Variants in STRAP observed in about 807,000 individuals in gnomAD.
STRAP encodes serine-threonine kinase receptor-associated protein.
A neutral mutation model predicts 47.0 loss-of-function variants in STRAP; 16 were observed. The ratio of observed to expected loss-of-function variants is 0.34; its 90% confidence interval spans 0.23 to 0.52. The LOEUF is 0.52. STRAP is among the 20% of genes least tolerant of loss of function. The probability of loss-of-function intolerance (pLI) is 0.96; values close to 1 mark genes in which losing one functional copy is unlikely to be tolerated. For missense variants in STRAP, 293 were observed against 420.0 expected (o/e 0.70, Z 2.64); for synonymous variants, 130 against 142.7 (o/e 0.91, Z 0.63).
Position 15,894,217 on chromosome 12 carries a change from T to G in STRAP, c.500+74T>G. 2 of 1,234,064 alleles carry G rather than the reference T, an allele frequency of 1.6e-6. No homozygotes were observed. Among genetic ancestry groups the G allele is most frequent in the South Asian group, 1.2e-5 (1 of 81,260 alleles). 76.4% of individuals were successfully genotyped at this position (1,234,064 alleles called of 1,614,324 possible). A position where few individuals can be genotyped will look rare whatever the true frequency, so the allele number is the denominator to read the frequency against. On this transcript the variant is annotated intron_variant, in intron 5 of 9. Transcript: ENST00000419869. The surrounding 1 kb of genome is among the most constrained non-coding windows in gnomAD (Gnocchi z 4.9). ...GCTCACGCCTATAATCTCAGCACTT[T>G]GGGAGGCGAGCCGGGTGGATCATTA...
intron 2 of STRAP, among the ~76,000 whole-genome samples, chr12:15,886,009 C>T (rs1311861691): frequency 6.6e-6 from 1 of 152,002 alleles, no homozygotes; most frequent in Non-Finnish European, 1.5e-5. Flanking sequence ...ACTATTTGGC[C>T]TCATATAAGG....
chr12:15,883,687 C>A lies in STRAP; in HGVS notation c.248+11C>A. The A allele has an allele frequency of 6.2e-7, 1 of 1,613,088 alleles. No individual in the cohort carries two copies. Among genetic ancestry groups the A allele is most frequent in the South Asian group, 1.1e-5 (1 of 90,798 alleles). On this transcript the variant is annotated intron_variant, in intron 2 of 9. Transcript: ENST00000419869. ...TGCAGATTTCACAGCGTAAGTGTAG[C>A]CAAGATGGCTAACTTTGGTGTTCTC...
At chr12:15,893,384 C>T (rs1045802999) in intron 4 of STRAP, among the ~76,000 whole-genome samples, 4 of 147,654 alleles carry the variant, frequency 2.7e-5, no homozygotes, top group Admixed American at 6.8e-5. Context: ...AATTATGCCA[C>T]GTTAATTATT....
Position 15,896,542 on chromosome 12 carries a change from G to GTT in STRAP, c.638+1056_638+1057dup, listed in dbSNP as rs371747383. On this transcript the variant is annotated intron_variant, in intron 6 of 9. Transcript: ENST00000419869. The surrounding 1 kb of genome is among the most constrained non-coding windows in gnomAD (Gnocchi z 4.1). The stretch of plus-strand genomic sequence containing the variant: ...ATATATGTGGGTGTACAGTATTTGT[G>GTT]TTTTTTTTTTTAATTACTAGGACCA... Among the ~76,000 whole-genome samples the GTT allele has an allele frequency of 1.4e-5, 2 of 145,438 alleles. No individual in the cohort carries two copies. Among genetic ancestry groups the GTT allele is most frequent in the East Asian group, 2.0e-4 (1 of 4,944 alleles).
At chr12:15,901,595 C>G (rs116377405) in intron 9 of STRAP, among the ~76,000 whole-genome samples, 3 of 152,066 alleles carry the variant, frequency 2.0e-5, no homozygotes, top group African/African-American at 4.8e-5. Context: ...GAGTTTTATA[C>G]TAAGAGCAAT....
chr12:15,897,849 A>G, intron 6 of STRAP, 33 bp from the exon 7 acceptor site: 1 of 1,436,226 alleles, frequency 7.0e-7, no homozygotes, highest in Non-Finnish European at 9.2e-7. Flanking sequence ...ACCATATTCA[A>G]GATTTGTAAA....
At chr12:15,901,160 A>G (rs1389601043) in intron 9 of STRAP, 148 bp downstream of exon 9, 3 of 525,632 alleles carry the variant, frequency 5.7e-6, no homozygotes, top group Non-Finnish European at 9.4e-6. Flanking sequence ...ATGTATATAT[A>G]CATATTTATA....
Position 15,882,661 on chromosome 12 carries a change from A to G in STRAP, c.-47A>G, listed in dbSNP as rs1294262223. 2.6e-6 allele frequency: 4 copies of G among 1,522,296 alleles called. No individual in the cohort carries two copies. The highest frequency in any genetic ancestry group is 2.3e-5 in the South Asian group (2 of 86,550). 94.3% of individuals were successfully genotyped at this position (1,522,296 alleles called of 1,614,324 possible). Reference sequence around the variant, plus strand: ...ACTGCAGCAGAAGAGAGAAAAGACAACGACGACCCTCAGCTCGCCAGTCCG... The same window carrying G: ...ACTGCAGCAGAAGAGAGAAAAGACAGCGACGACCCTCAGCTCGCCAGTCCG... On this transcript the variant is annotated 5_prime_UTR_variant, in exon 1 of 10. Transcript: ENST00000419869.
At chr12:15,883,208 G>C (rs1370110990) in intron 1 of STRAP, 9 of 1,393,326 alleles carry the variant, frequency 6.5e-6, no homozygotes, top group Non-Finnish European at 5.9e-6. Context: ...TGTCTCACTG[G>C]ATATTCCTTT....
chr12:15,883,025 A>G, intron 1 of STRAP: 2 of 1,525,570 alleles, frequency 1.3e-6, no homozygotes, highest in Non-Finnish European at 1.8e-6. Context: ...TTTTGTAGAA[A>G]CTATTACCTC....
chr12:15,889,210 C>T (rs1432265336), intron 2 of STRAP, among the ~76,000 whole-genome samples: 1 of 152,044 alleles, frequency 6.6e-6, no homozygotes, highest in Non-Finnish European at 1.5e-5. Context: ...CCAGAATATA[C>T]ATACACATAT....
chr12:15,888,267 C>T (rs1042326387), intron 2 of STRAP, among the ~76,000 whole-genome samples: 2 of 151,756 alleles, frequency 1.3e-5, no homozygotes, highest in African/African-American at 4.8e-5. Flanking sequence ...AACATAGGAG[C>T]CTGGAAGAAA....
In STRAP at chr12:15,882,733, C is replaced by G. The variant is rs1259398089; in HGVS notation, c.26C>G (p.Thr9Ser). 1.2e-6 allele frequency: 2 copies of G among 1,612,906 alleles called. No homozygotes were observed. Residue 9 changes from threonine to serine, a missense_variant, in exon 1 of 10, where the codon ACC becomes AGC. Coordinates refer to ENST00000419869, the MANE Select transcript of STRAP (RefSeq NM_007178.4). ...ATGGCAATGAGACAGACGCCGCTCA[C>G]CTGCTCTGGCCACACGCGACCCGTG... Reference protein sequence around the residue: MAMRQTPLTCSGHTRPVVD... With the variant: MAMRQTPLSCSGHTRPVVD...
rs377016324 is a variant in STRAP at position 15,884,097 on chromosome 12, CAAAA to C, written c.248+425_248+428del. ...ACTCATTGTGTCAAAAACAAACAAA[CAAAA>C]AAACAACAAAAAAACAAAACTCAGC... On this transcript the variant is annotated intron_variant, in intron 2 of 9. Coordinates refer to ENST00000419869, the MANE Select transcript of STRAP (RefSeq NM_007178.4). Among the ~76,000 whole-genome samples, 37 of 152,026 alleles carry C rather than the reference CAAAA, an allele frequency of 2.4e-4. 1 individual carries two copies. The highest frequency in any genetic ancestry group is 8.4e-4 in the African/African-American group (35 of 41,474).
chr12:15,882,399 C>T lies in STRAP; in HGVS notation c.-309C>T. The T allele has an allele frequency of 2.3e-6, 1 of 439,524 alleles. No homozygotes were observed. The highest frequency in any genetic ancestry group is 4.1e-6 in the Non-Finnish European group (1 of 241,198). The allele number at this position is 439,524 out of a possible 1,614,324, so 27.2% of individuals were successfully genotyped here. ...TCTGCGTCATTTACGTCGTCACTTCCTGCCGATGCCGGTGTGGACGCTGTG... is the reference window on the plus strand; with the variant it reads ...TCTGCGTCATTTACGTCGTCACTTCTTGCCGATGCCGGTGTGGACGCTGTG... On this transcript the variant is annotated 5_prime_UTR_variant, in exon 1 of 10. Coordinates refer to ENST00000419869, the MANE Select transcript of STRAP (RefSeq NM_007178.4).
At chr12:15,892,820 G>A (rs1948027972) in intron 4 of STRAP, among the ~76,000 whole-genome samples, 1 of 152,094 alleles carries the variant, frequency 6.6e-6, no homozygotes, top group Admixed American at 6.6e-5. Context: ...AACAAAGCAA[G>A]GTAGTTCAGG....
At chr12:15,893,260 A>C (rs1353069947) in intron 4 of STRAP, among the ~76,000 whole-genome samples, 1 of 151,720 alleles carries the variant, frequency 6.6e-6, no homozygotes, top group Non-Finnish European at 1.5e-5. Context: ...TTTTCCTTCC[A>C]ACCCTTATTT....
At position 15,897,913 on chromosome 12, in the gene STRAP, G is replaced by A; in HGVS notation, c.670G>A (p.Ala224Thr). ...CCCAATTAAATCCTTTGAAGCTCCTGCAACCATCAATTCTGCATCTCTTCA... is the reference window on the plus strand; with the variant it reads ...CCCAATTAAATCCTTTGAAGCTCCTACAACCATCAATTCTGCATCTCTTCA... ...LDPIKSFEAP[A>T]TINSASLHPE... Residue 224 changes from alanine to threonine, a missense_variant, in exon 7 of 10, where the codon GCA becomes ACA. Physicochemically the swap from Ala to Thr is moderately conservative, Grantham distance 58. Transcript: ENST00000419869. 6.3e-7 allele frequency: 1 copy of A among 1,575,210 alleles called. No individual in the cohort carries two copies. The highest frequency in any genetic ancestry group is 8.6e-7 in the Non-Finnish European group (1 of 1,165,536).
rs1044149950 is a variant in STRAP, at chr12:15,890,828, G to A, written c.403+159G>A. Among the ~76,000 whole-genome samples the A allele has an allele frequency of 1.3e-5, 2 of 152,186 alleles. No homozygotes were observed. The highest frequency in any genetic ancestry group is 2.4e-5 in the African/African-American group (1 of 41,452). On this transcript the variant is annotated intron_variant, in intron 4 of 9. Coordinates refer to ENST00000419869, the MANE Select transcript of STRAP (RefSeq NM_007178.4). This position sits in a 1 kb window ranked among gnomAD's most constrained non-coding sequence, Gnocchi z 4.5. Reference sequence around the variant, plus strand: ...TAATCCTAGCACTTTGGGAGACTGAGGCGGGTGGATCACTTGAGGTCAGGA... The same window carrying A: ...TAATCCTAGCACTTTGGGAGACTGAAGCGGGTGGATCACTTGAGGTCAGGA...
Sources: allele counts gnomAD v4.1 joint callset (sites outside exome capture counted in the v4.1 genomes callset), GRCh38; gene constraint gnomAD v4.1.1; non-coding constraint Gnocchi (gnomAD v3.1); transcripts MANE v1.5; gene names NCBI Gene and HGNC (gene_info 2026-07-23, HGNC 2026-07-21).